SSH2: variants seen among roughly 807,000 people sequenced by gnomAD.
SSH2 encodes protein phosphatase Slingshot homolog 2.
SSH2 carries 37 observed loss-of-function variants against 135.2 expected under a neutral mutation model. The observed-to-expected ratio is 0.27, with a 90% confidence interval of 0.21 to 0.36. The LOEUF is 0.36. Ranked by LOEUF, SSH2 falls within the 10% of genes least tolerant of loss-of-function variation. The pLI is 1.00. For synonymous variants in SSH2, 628 were observed against 646.2 expected (o/e 0.97, Z 0.43); for missense variants, 1,408 against 1,765.3 (o/e 0.80, Z 3.63).
At chr17:29,847,052 C>T (rs2043143999) in intron 2 of SSH2, among the ~76,000 whole-genome samples, 1 of 152,038 alleles carries the variant, frequency 6.6e-6, no homozygotes, top group Admixed American at 6.5e-5. Context: ...TCATTCTATA[C>T]CAAGACACAG....
intron 3 of SSH2, among the ~76,000 whole-genome samples, chr17:29,709,072 A>G (rs1216801674): frequency 1.4e-5 from 2 of 147,298 alleles, no homozygotes; most frequent in Non-Finnish European, 3.0e-5. Context: ...AGCTAACTCA[A>G]CTAGATATCT....
intron 1 of SSH2, among the ~76,000 whole-genome samples, chr17:29,916,027 T>A (rs372401930): frequency 9.6e-5 from 13 of 136,038 alleles, no homozygotes; most frequent in African/African-American, 2.2e-4. Context: ...CCCCTTTCTG[T>A]GTCCAAGTGT....
chr17:29,804,192 A>T (rs935606619), intron 2 of SSH2, among the ~76,000 whole-genome samples: 1 of 152,248 alleles, frequency 6.6e-6, no homozygotes, highest in Admixed American at 6.5e-5. Flanking sequence ...TCAAAGTCAC[A>T]TCATGCTCCT....
intron 2 of SSH2, among the ~76,000 whole-genome samples, chr17:29,840,323 A>G (rs1341840256): frequency 6.6e-6 from 1 of 152,218 alleles, no homozygotes; most frequent in Non-Finnish European, 1.5e-5. Flanking sequence ...TCAAAAATAC[A>G]ACTCTGGTAA....
chr17:29,869,837 G>A (rs1459763082), intron 1 of SSH2, among the ~76,000 whole-genome samples: 1 of 151,300 alleles, frequency 6.6e-6, no homozygotes, highest in Admixed American at 6.6e-5. Flanking sequence ...ACAGAGTGCA[G>A]GCCCAGTTGA....
chr17:29,813,643 C>A (rs571012011), intron 2 of SSH2, among the ~76,000 whole-genome samples: 123 of 150,552 alleles, frequency 8.2e-4, no homozygotes, highest in African/African-American at 2.8e-3. Context: ...CATGGTGAAA[C>A]CCCGTCTCTA....
chr17:29,692,176 A>T (rs985125838), intron 5 of SSH2, among the ~76,000 whole-genome samples: 1 of 151,920 alleles, frequency 6.6e-6, no homozygotes, highest in Non-Finnish European at 1.5e-5. Flanking sequence ...TAAAAAAAAA[A>T]AAACAAGACT....
chr17:29,854,243 C>T (rs1353192407), intron 1 of SSH2, among the ~76,000 whole-genome samples: 1 of 151,914 alleles, frequency 6.6e-6, no homozygotes, highest in Non-Finnish European at 1.5e-5. Flanking sequence ...ATTTATTGTA[C>T]CCCTACTGCG....
At chr17:29,732,732 C>T (rs2040238977) in intron 3 of SSH2, among the ~76,000 whole-genome samples, 1 of 152,160 alleles carries the variant, frequency 6.6e-6, no homozygotes, top group African/African-American at 2.4e-5. Flanking sequence ...GTCATTACCT[C>T]AGCTGAGGGG....
chr17:29,830,597 A>T (rs1359783539), intron 2 of SSH2, among the ~76,000 whole-genome samples: 2 of 152,214 alleles, frequency 1.3e-5, no homozygotes, highest in Non-Finnish European at 2.9e-5. Flanking sequence ...GGTTTATCAC[A>T]TGCACCACCA....
At chr17:29,821,836 G>C (rs1288313019) in intron 2 of SSH2, among the ~76,000 whole-genome samples, 1 of 152,126 alleles carries the variant, frequency 6.6e-6, no homozygotes, top group Non-Finnish European at 1.5e-5. Context: ...AGTAGAGACG[G>C]GGTTTCACTA....
Position 29,631,372 on chromosome 17 carries a change from C to T in SSH2, c.3822G>A (p.Gly1274=). Residue 1274 remains glycine, a synonymous_variant, in exon 16 of 16, where the codon GGG becomes GGA. Coordinates refer to ENST00000540801, the MANE Select transcript of SSH2 (RefSeq NM_001282129.2). ...GCCTCATTTGGGATGGTTTGGTGAG[C>T]CCTGCCTGGAAAACCACTCGAGACT... is the stretch of plus-strand genomic sequence containing the variant. ...EIESRVVFQA[G]LTKPSQMRRS... is the part of the protein sequence containing the mutation. The T allele has an allele frequency of 6.2e-7, 1 of 1,614,086 alleles. No individual in the cohort carries two copies. The highest frequency in any genetic ancestry group is 8.5e-7 in the Non-Finnish European group (1 of 1,180,004).
chr17:29,789,126 T>C lies in SSH2; in HGVS notation c.188+4768A>G, dbSNP rs144196283. Among the ~76,000 whole-genome samples the C allele has an allele frequency of 2.4e-3, 372 of 152,370 alleles. 2 individuals carry two copies. Among genetic ancestry groups the C allele is most frequent in the Middle Eastern group, 6.8e-3 (2 of 294 alleles). On this transcript the variant is annotated intron_variant, in intron 3 of 15. Coordinates refer to ENST00000540801, the MANE Select transcript of SSH2 (RefSeq NM_001282129.2). ...GCAACAGTGGAATTGGACATTCAACTACAGTGGTTTCTAAGCAAAGTGGTG... is the reference window on the plus strand; with the variant it reads ...GCAACAGTGGAATTGGACATTCAACCACAGTGGTTTCTAAGCAAAGTGGTG...
intron 1 of SSH2, among the ~76,000 whole-genome samples, chr17:29,865,216 T>G (rs1160120658): frequency 6.6e-6 from 1 of 152,190 alleles, no homozygotes; most frequent in African/African-American, 2.4e-5. Context: ...AGTCTACAAT[T>G]AAAAGAAGTG....
chr17:29,721,478 C>A (rs1426553761), intron 3 of SSH2, among the ~76,000 whole-genome samples: 1 of 152,150 alleles, frequency 6.6e-6, no homozygotes, highest in Non-Finnish European at 1.5e-5. Flanking sequence ...GGCAAAATTT[C>A]TCTGCAATGA....
intron 1 of SSH2, among the ~76,000 whole-genome samples, chr17:29,906,527 T>C (rs1044487145): frequency 6.6e-6 from 1 of 152,092 alleles, no homozygotes; most frequent in African/African-American, 2.4e-5. Context: ...TCTAACTAAA[T>C]TAAAGTGCTT....
intron 2 of SSH2, among the ~76,000 whole-genome samples, chr17:29,844,931 G>A (rs1365275873): frequency 6.6e-6 from 1 of 152,114 alleles, no homozygotes. Flanking sequence ...CCCACATACT[G>A]CATGTAATGA....
chr17:29,859,671 A>G (rs926250865), intron 1 of SSH2, among the ~76,000 whole-genome samples: 3 of 151,950 alleles, frequency 2.0e-5, no homozygotes, highest in African/African-American at 7.3e-5. Context: ...TATGTACCAC[A>G]TTTTCTTTAT....
At chr17:29,666,841 C>A in intron 11 of SSH2, 26 bp downstream of exon 11, 1 of 1,613,000 alleles carries the variant, frequency 6.2e-7, no homozygotes, top group Non-Finnish European at 8.5e-7. Flanking sequence ...CGTTAGCACA[C>A]CACTTAAAGT....
Sources: gnomAD v4.1 joint callset for allele counts (sites outside exome capture counted in the v4.1 genomes callset) on GRCh38, gnomAD v4.1.1 for gene constraint, MANE v1.5 for transcripts, NCBI Gene and HGNC (gene_info 2026-07-23, HGNC 2026-07-21) for gene names.